AOPEP: variants seen among roughly 807,000 people sequenced by gnomAD.
AOPEP encodes the protein aminopeptidase O.
AOPEP carries 77 observed loss-of-function variants against 98.1 expected under a neutral mutation model. The ratio of observed to expected loss-of-function variants is 0.78; its 90% CI spans 0.65 to 0.95. The LOEUF (loss-of-function observed/expected upper bound fraction) is 0.95. AOPEP is among the 40% of genes least tolerant of loss of function. AOPEP has a pLI of 0.00. For synonymous variants in AOPEP, 346 were observed against 365.3 expected (o/e 0.95, Z 0.60); for missense variants, 1,024 against 1,024.7 (o/e 1.00, Z 0.01).
chr9:94,771,477 A>G (rs180930268), intron 2 of AOPEP, among the ~76,000 whole-genome samples: 1 of 152,210 alleles, frequency 6.6e-6, no homozygotes, highest in Admixed American at 6.5e-5. Context: ...TACTTGTAGG[A>G]TAAGCGTACA....
chr9:95,088,150 G>A (rs572556157), downstream of AOPEP, among the ~76,000 whole-genome samples: 2 of 152,220 alleles, frequency 1.3e-5, no homozygotes, highest in Admixed American at 6.5e-5. Flanking sequence ...CACGACCGCG[G>A]CTTCCTGTGG....
chr9:94,770,877 G>A (rs1325654067), intron 2 of AOPEP, among the ~76,000 whole-genome samples: 2 of 152,140 alleles, frequency 1.3e-5, no homozygotes, highest in Non-Finnish European at 1.5e-5. Context: ...ACTACACAAC[G>A]ATGTAAATAT....
At chr9:95,012,994 G>GGT (rs1554803948) in intron 13 of AOPEP, among the ~76,000 whole-genome samples, 2 of 137,554 alleles carry the variant, frequency 1.5e-5, no homozygotes, top group African/African-American at 5.3e-5. Flanking sequence ...TTTTGGGGGG[G>GGT]GGGGCAGGGC....
chr9:95,138,472 TA>T, the AOPEP span, among the ~76,000 whole-genome samples: 1 of 152,336 alleles, frequency 6.6e-6, no homozygotes, highest in Non-Finnish European at 1.5e-5. Flanking sequence ...AGGGTGCTCG[TA>T]GCTTCCATCA....
chr9:94,837,240 G>A (rs2041716784), intron 5 of AOPEP, among the ~76,000 whole-genome samples: 1 of 152,122 alleles, frequency 6.6e-6, no homozygotes, highest in Non-Finnish European at 1.5e-5. Context: ...ACAATAACAA[G>A]CAGTGAGATT....
intron 5 of AOPEP, among the ~76,000 whole-genome samples, chr9:94,886,123 T>G (rs1036858772): frequency 6.6e-6 from 1 of 151,838 alleles, no homozygotes; most frequent in South Asian, 2.1e-4. Context: ...AATGGAGAGG[T>G]CTGTATGGAA....
rs774364750 is a variant in AOPEP at position 94,760,508 on chromosome 9, A to G, written c.725A>G (p.His242Arg). Reference protein sequence around the residue: ...TGAQTATDFPHAIRIWYKTKP... With the variant: ...TGAQTATDFPRAIRIWYKTKP... ...GCTCAGACAGCTACTGACTTTCCTC[A>G]TGCTATCAGGATATGGTACAAAACT... Residue 242 changes from histidine (H) to arginine (R), a missense_variant, in exon 2 of 17, where the codon CAT becomes CGT. Coordinates refer to ENST00000375315, the MANE Select transcript of AOPEP (RefSeq NM_001193329.3). The G allele has an allele frequency of 1.9e-6, 3 of 1,607,190 alleles. No individual in the cohort carries two copies. The highest frequency in any genetic ancestry group is 1.7e-4 in the Middle Eastern group (1 of 6,012).
chr9:95,016,791 A>G (rs1205922078), intron 13 of AOPEP, among the ~76,000 whole-genome samples: 3 of 150,954 alleles, frequency 2.0e-5, no homozygotes, highest in Non-Finnish European at 4.4e-5. Flanking sequence ...TTTTTTTTAA[A>G]AGAGACAGGG....
At chr9:94,805,780 C>T (rs558691482) in intron 5 of AOPEP, among the ~76,000 whole-genome samples, 8 of 152,200 alleles carry the variant, frequency 5.3e-5, no homozygotes, top group Non-Finnish European at 1.0e-4. Flanking sequence ...TGTAACCAGC[C>T]TTTTCCTCCA....
chr9:94,852,874 A>G (rs1410511916), intron 5 of AOPEP, among the ~76,000 whole-genome samples: 6 of 152,226 alleles, frequency 3.9e-5, no homozygotes, highest in African/African-American at 1.4e-4. Context: ...CTCAGCTGAT[A>G]TATTTTTCCA....
At chr9:95,117,592 C>T in the AOPEP span, among the ~76,000 whole-genome samples, 1 of 52,510 alleles carries the variant, frequency 1.9e-5, no homozygotes, top group African/African-American at 7.9e-5. Flanking sequence ...TTAAAGTCAC[C>T]TTCTGGGACT....
chr9:94,946,905 G>GA (rs113421282), intron 7 of AOPEP, among the ~76,000 whole-genome samples: 6,169 of 151,968 alleles, frequency 0.041, 367 homozygotes, highest in African/African-American at 0.12. Flanking sequence ...GGATCATCCA[G>GA]AAAGGAAGGA....
chr9:94,760,148 C>G lies in AOPEP; in HGVS notation c.365C>G (p.Ala122Gly), dbSNP rs1327623675. 1.9e-6 allele frequency: 3 copies of G among 1,614,156 alleles called. No homozygotes were observed. The highest frequency in any genetic ancestry group is 2.5e-6 in the Non-Finnish European group (3 of 1,180,028). ...KDGNHDNQEH[A>G]SGISSSKYCC... ...GGTAACCATGACAACCAGGAACATG[C>G]TTCTGGGATTTCTAGCTCAAAGTAC... is the stretch of plus-strand genomic sequence containing the variant. The change falls in exon 2 of 17, where the codon GCT becomes GGT. Residue 122 changes from alanine (A) to glycine (G), a missense_variant. This residue lies in a region of AOPEP where 440 missense variants were observed against 433.8 expected (regional missense o/e 1.01). Coordinates refer to ENST00000375315, the MANE Select transcript of AOPEP (RefSeq NM_001193329.3).
the AOPEP span, chr9:95,107,065 C>T: frequency 6.2e-7 from 1 of 1,614,024 alleles, no homozygotes; most frequent in East Asian, 2.2e-5. Flanking sequence ...GGGAGACTTA[C>T]CAGGGTGATG....
intron 13 of AOPEP, among the ~76,000 whole-genome samples, chr9:95,043,479 GA>G (rs1157348246): frequency 6.6e-6 from 1 of 152,052 alleles, no homozygotes; most frequent in Non-Finnish European, 1.5e-5. Context: ...CTATTTAAAA[GA>G]ATGATTCAGT....
the AOPEP span, among the ~76,000 whole-genome samples, chr9:95,105,691 G>GGACTT: frequency 6.6e-6 from 1 of 152,118 alleles, no homozygotes; most frequent in South Asian, 2.1e-4. Flanking sequence ...TCCTCTCCCT[G>GGACTT]GACTTGACTC....
intron 5 of AOPEP, among the ~76,000 whole-genome samples, chr9:94,882,450 G>T (rs530358031): frequency 6.6e-6 from 1 of 151,944 alleles, no homozygotes; most frequent in Non-Finnish European, 1.5e-5. Flanking sequence ...TTTCTAATAC[G>T]CCTCCCAACT....
intron 5 of AOPEP, among the ~76,000 whole-genome samples, chr9:94,869,453 T>C (rs2046078553): frequency 6.6e-6 from 1 of 152,138 alleles, no homozygotes; most frequent in East Asian, 1.9e-4. Flanking sequence ...TAACCAAAAA[T>C]TTGTTTGGAG....
intron 7 of AOPEP, among the ~76,000 whole-genome samples, chr9:94,949,310 T>C (rs2057925477): frequency 6.6e-6 from 1 of 152,216 alleles, no homozygotes; most frequent in African/African-American, 2.4e-5. Context: ...TTAAAATGTG[T>C]GGAGTTTGTT....
Sources: allele counts gnomAD v4.1 joint callset (sites outside exome capture counted in the v4.1 genomes callset), GRCh38; gene constraint gnomAD v4.1.1; regional missense constraint gnomAD v4.1.1; transcripts MANE v1.5; gene names NCBI Gene and HGNC (gene_info 2026-07-23, HGNC 2026-07-21).